GPHN: variants seen among roughly 807,000 people sequenced by gnomAD.
GPHN encodes gephyrin.
Under a neutral mutation model 95.5 loss-of-function variants are expected in GPHN, and 17 were observed. The ratio of observed to expected loss-of-function variants is 0.18; its 90% CI spans 0.12 to 0.27. The LOEUF is 0.27. Ranked by LOEUF, GPHN falls within the 10% of genes least tolerant of loss-of-function variation. The pLI, the probability that GPHN is intolerant of heterozygous loss-of-function variation, is 1.00. For missense variants in GPHN, 660 were observed against 978.1 expected (o/e 0.67, Z 4.34); for synonymous variants, 320 against 322.5 (o/e 0.99, Z 0.08).
At chr14:67,412,127 C>A in the GPHN span, 6 of 1,334,458 alleles carry the variant, frequency 4.5e-6, no homozygotes, top group African/African-American at 6.2e-5. Flanking sequence ...TCGGCACCCG[C>A]GCAGCCCGCG....
intron 11 of GPHN, among the ~76,000 whole-genome samples, chr14:67,064,779 A>C (rs1319789226): frequency 1.3e-5 from 2 of 152,114 alleles, no homozygotes; most frequent in Non-Finnish European, 2.9e-5. Context: ...CAGTGGTGAT[A>C]TCCCCTTTAT....
intron 1 of GPHN, among the ~76,000 whole-genome samples, chr14:66,629,937 T>G (rs141208051): frequency 1.3e-5 from 2 of 152,320 alleles, no homozygotes; most frequent in East Asian, 3.9e-4. Flanking sequence ...CTGAATTGCT[T>G]CCTAAGAAGA....
the GPHN span, among the ~76,000 whole-genome samples, chr14:67,430,918 C>A: frequency 6.6e-6 from 1 of 152,182 alleles, no homozygotes; most frequent in African/African-American, 2.4e-5. Flanking sequence ...GGGATCGGGG[C>A]ACCAGCTTCC....
At chr14:66,753,142 G>C (rs552153971) in intron 2 of GPHN, among the ~76,000 whole-genome samples, 1 of 151,948 alleles carries the variant, frequency 6.6e-6, no homozygotes, top group Non-Finnish European at 1.5e-5. Context: ...CCCACTGTTG[G>C]GGGTGGAGTG....
downstream of GPHN, among the ~76,000 whole-genome samples, chr14:67,185,573 C>T (rs1045854907): frequency 6.6e-6 from 1 of 152,094 alleles, no homozygotes; most frequent in Non-Finnish European, 1.5e-5. Context: ...TTCAAGTTTT[C>T]ATTTATAGCT....
At chr14:66,797,021 C>CTTTTTTTTTTTTTTTTTTTTTTT (rs369681377) in intron 3 of GPHN, among the ~76,000 whole-genome samples, 23 of 81,226 alleles carry the variant, frequency 2.8e-4, no homozygotes, top group Non-Finnish European at 4.4e-4. Context: ...TATCTAGTTC[C>CTTTTTTTTTTTTTTTTTTTTTTT]TTTTTTTTTT....
intron 5 of GPHN, among the ~76,000 whole-genome samples, chr14:66,885,694 A>C (rs1479302010): frequency 6.6e-6 from 1 of 152,140 alleles, no homozygotes; most frequent in Non-Finnish European, 1.5e-5. Context: ...TTACAGGATT[A>C]GAAAATTCAA....
intron 1 of GPHN, among the ~76,000 whole-genome samples, chr14:66,523,617 T>C (rs2058564919): frequency 1.3e-5 from 2 of 152,134 alleles, no homozygotes; most frequent in Non-Finnish European, 2.9e-5. Context: ...GAGTTACTTC[T>C]CTAAGCTTTA....
intron 3 of GPHN, among the ~76,000 whole-genome samples, chr14:66,813,451 A>G (rs1277184353): frequency 2.6e-5 from 4 of 152,212 alleles, no homozygotes; most frequent in Non-Finnish European, 5.9e-5. Context: ...TTTGTGCACC[A>G]GGACTCATTT....
intron 4 of GPHN, among the ~76,000 whole-genome samples, chr14:66,846,216 A>G (rs1047480187): frequency 2.0e-5 from 3 of 152,160 alleles, no homozygotes; most frequent in African/African-American, 7.2e-5. Flanking sequence ...CATCTAAACT[A>G]TCAAACACAG....
chr14:67,205,112 A>G, the GPHN span: 2 of 1,534,726 alleles, frequency 1.3e-6, no homozygotes, highest in African/African-American at 1.4e-5. Flanking sequence ...GAAGACTTTC[A>G]TGCTTTAATA....
chr14:67,320,060 A>G, the GPHN span, among the ~76,000 whole-genome samples: 33 of 152,382 alleles, frequency 2.2e-4, no homozygotes, highest in African/African-American at 7.5e-4. Context: ...ATAAAAATTA[A>G]TAGAAGGAGT....
chr14:66,691,761 A>G (rs2067797251), intron 2 of GPHN, among the ~76,000 whole-genome samples: 1 of 152,192 alleles, frequency 6.6e-6, no homozygotes, highest in African/African-American at 2.4e-5. Context: ...GAGCTAAATA[A>G]TTTATCAGTA....
chr14:67,113,965 A>G (rs921222537), intron 16 of GPHN, among the ~76,000 whole-genome samples: 2 of 152,214 alleles, frequency 1.3e-5, no homozygotes, highest in Non-Finnish European at 2.9e-5. Context: ...ACTATTAAAG[A>G]AAAGATTAGC....
rs116645598 is a variant in GPHN, at chr14:66,660,412, T to C, written c.65-20695T>C. Reference sequence around the variant, plus strand: ...TTTGCCTACTATTATAATGTTTTTCTTCCTGATGTTCCAAGAGTTCTTATT... The same window carrying C: ...TTTGCCTACTATTATAATGTTTTTCCTCCTGATGTTCCAAGAGTTCTTATT... On this transcript the variant is annotated intron_variant, in intron 1 of 22. Coordinates refer to ENST00000478722, the MANE Select transcript of GPHN (RefSeq NM_020806.5). Among the ~76,000 whole-genome samples, 738 of 152,356 alleles carry C rather than the reference T, an allele frequency of 4.8e-3. 10 individuals are homozygous for C. Among genetic ancestry groups the C allele is most frequent in the African/African-American group, 0.017 (707 of 41,590 alleles).
the GPHN span, among the ~76,000 whole-genome samples, chr14:67,627,304 TATTG>T: frequency 6.8e-6 from 1 of 147,924 alleles, no homozygotes; most frequent in African/African-American, 2.5e-5. Flanking sequence ...GAATTGCTAA[TATTG>T]ATCTGTTTTG....
intron 13 of GPHN, 60 bp downstream of exon 13, chr14:67,100,971 A>G: frequency 2.1e-6 from 2 of 970,706 alleles, no homozygotes; most frequent in East Asian, 2.4e-5. Context: ...TTGGGCATCT[A>G]ATTCTAAATT....
At chr14:66,648,347 A>G (rs905383000) in intron 1 of GPHN, among the ~76,000 whole-genome samples, 4 of 152,184 alleles carry the variant, frequency 2.6e-5, no homozygotes, top group Non-Finnish European at 5.9e-5. Context: ...TGCACTAGTA[A>G]AAATATAATT....
the GPHN span, chr14:67,594,018 G>A: frequency 9.6e-7 from 1 of 1,038,576 alleles, no homozygotes; most frequent in Non-Finnish European, 1.5e-6. Flanking sequence ...CAGGCAATGA[G>A]GGGAACATGC....
Sources: allele counts gnomAD v4.1 joint callset (sites outside exome capture counted in the v4.1 genomes callset), GRCh38; gene constraint gnomAD v4.1.1; transcripts MANE v1.5; gene names NCBI Gene and HGNC (gene_info 2026-07-23, HGNC 2026-07-21).